Variants in PDE4D observed in about 807,000 individuals in gnomAD.
PDE4D encodes phosphodiesterase 4D, also known as 3',5'-cyclic-AMP phosphodiesterase 4D.
PDE4D carries 24 observed loss-of-function variants against 87.4 expected under a neutral mutation model. The ratio of observed to expected loss-of-function variants is 0.27; its 90% CI spans 0.20 to 0.39. PDE4D has a LOEUF of 0.39. PDE4D is among the 10% of genes least tolerant of loss of function. PDE4D has a pLI of 1.00. For missense variants in PDE4D, 714 were observed against 1,041.0 expected (o/e 0.69, Z 4.32); for synonymous variants, 384 against 383.2 (o/e 1.00, Z -0.02).
chr5:60,178,107 A>G (rs1784086273), intron 2 of PDE4D, among the ~76,000 whole-genome samples: 1 of 152,206 alleles, frequency 6.6e-6, no homozygotes, highest in African/African-American at 2.4e-5. Flanking sequence ...CAGATTGTTA[A>G]AAGATCTTGA....
intron 5 of PDE4D, among the ~76,000 whole-genome samples, chr5:59,042,145 C>G (rs1216628814): frequency 6.6e-6 from 1 of 152,174 alleles, no homozygotes; most frequent in Non-Finnish European, 1.5e-5. Flanking sequence ...CTCTGTGAAA[C>G]TGTTGCTCAA....
Position 59,296,475 on chromosome 5 carries a change from T to G in PDE4D, c.456-80507A>C, listed in dbSNP as rs143343396. Among the ~76,000 whole-genome samples, 352 of 152,166 alleles carry G rather than the reference T, an allele frequency of 2.3e-3. 1 individual carries two copies. The highest frequency in any genetic ancestry group is 8.2e-3 in the African/African-American group (339 of 41,536). ...AATGATTAACTAAAGTCTGAGTGAC[T>G]AGTAGAATGAGTAATTTTGTTACAT... On this transcript the variant is annotated intron_variant, in intron 1 of 14. Transcript: ENST00000340635.
intron 1 of PDE4D, among the ~76,000 whole-genome samples, chr5:59,793,136 T>C (rs1766014864): frequency 6.6e-6 from 1 of 152,150 alleles, no homozygotes; most frequent in South Asian, 2.1e-4. Context: ...CTGAGTGAGT[T>C]CCGTGGAGGT....
intron 5 of PDE4D, among the ~76,000 whole-genome samples, chr5:59,053,638 G>GTTTTTTTTTTTTTTTT (rs1205199951): frequency 1.2e-5 from 1 of 84,702 alleles, no homozygotes; most frequent in Non-Finnish European, 2.3e-5. Flanking sequence ...AAGTTGTTTT[G>GTTTTTTTTTTTTTTTT]TTTTTTGTTT....
intron 2 of PDE4D, among the ~76,000 whole-genome samples, chr5:60,114,399 A>G (rs1777950904): frequency 6.6e-6 from 1 of 152,124 alleles, no homozygotes; most frequent in African/African-American, 2.4e-5. Flanking sequence ...TAAAGTTTTA[A>G]TGGCTAAGAC....
intron 1 of PDE4D, among the ~76,000 whole-genome samples, chr5:59,850,739 T>C (rs1354555395): frequency 1.3e-5 from 2 of 151,928 alleles, no homozygotes; most frequent in African/African-American, 4.8e-5. Context: ...AGGAGGCTAT[T>C]TGAAGCGTTT....
At chr5:60,191,330 C>T (rs754917350) in intron 1 of PDE4D, among the ~76,000 whole-genome samples, 5 of 152,214 alleles carry the variant, frequency 3.3e-5, no homozygotes, top group South Asian at 2.1e-4. Context: ...ATAATCCCCA[C>T]GTGACAAGGG....
chr5:59,881,080 T>C (rs893157625), intron 1 of PDE4D, among the ~76,000 whole-genome samples: 2 of 152,192 alleles, frequency 1.3e-5, no homozygotes, highest in Admixed American at 1.3e-4. Context: ...TTCTTATGAA[T>C]GTTAAGGTTA....
chr5:59,254,777 T>G (rs1201992212), intron 1 of PDE4D, among the ~76,000 whole-genome samples: 4 of 152,142 alleles, frequency 2.6e-5, no homozygotes, highest in African/African-American at 9.7e-5. Context: ...CACCTCTTCC[T>G]CAAAGCTAGC....
intron 1 of PDE4D, among the ~76,000 whole-genome samples, chr5:60,517,706 T>C (rs769723182): frequency 6.6e-6 from 1 of 152,270 alleles, no homozygotes; most frequent in African/African-American, 2.4e-5. Context: ...AGAGAGGAGC[T>C]ACCCACTTCA....
intron 1 of PDE4D, among the ~76,000 whole-genome samples, chr5:59,704,344 C>CTA (rs1753063462): frequency 2.0e-5 from 3 of 152,176 alleles, no homozygotes; most frequent in Admixed American, 2.0e-4. Flanking sequence ...CTTCTTTCAA[C>CTA]ATTTATTGTA....
intron 3 of PDE4D, among the ~76,000 whole-genome samples, chr5:59,905,275 T>C (rs1352922863): frequency 6.6e-6 from 1 of 152,088 alleles, no homozygotes; most frequent in East Asian, 1.9e-4. Context: ...TCAGAATGCT[T>C]TGTGGAGCGT....
At chr5:59,849,386 T>A (rs572986596) in intron 1 of PDE4D, among the ~76,000 whole-genome samples, 1 of 152,004 alleles carries the variant, frequency 6.6e-6, no homozygotes, top group African/African-American at 2.4e-5. Flanking sequence ...CAAAGAGACA[T>A]GAAGTTTTAA....
At chr5:60,203,999 G>C (rs535322141) in intron 1 of PDE4D, among the ~76,000 whole-genome samples, 1 of 152,272 alleles carries the variant, frequency 6.6e-6, no homozygotes, top group Non-Finnish European at 1.5e-5. Context: ...GTGAGCATTA[G>C]TTTACATCTT....
At chr5:60,063,229 A>C (rs2152889798) in intron 2 of PDE4D, among the ~76,000 whole-genome samples, 1 of 152,252 alleles carries the variant, frequency 6.6e-6, no homozygotes, top group Middle Eastern at 3.4e-3. Flanking sequence ...GAAGAACCTC[A>C]ATACAGGAAT....
chr5:59,553,837 G>A (rs1486857347), intron 1 of PDE4D, among the ~76,000 whole-genome samples: 1 of 152,134 alleles, frequency 6.6e-6, no homozygotes, highest in Non-Finnish European at 1.5e-5. Flanking sequence ...GTGAAATGTG[G>A]AAGAACTAAA....
intron 3 of PDE4D, among the ~76,000 whole-genome samples, chr5:59,957,505 AT>A (rs1276083424): frequency 6.6e-6 from 1 of 152,078 alleles, no homozygotes; most frequent in Non-Finnish European, 1.5e-5. Context: ...TATATATGAT[AT>A]TCAAAGCTCT....
chr5:60,172,415 C>G (rs920238622), intron 2 of PDE4D, among the ~76,000 whole-genome samples: 1 of 151,818 alleles, frequency 6.6e-6, no homozygotes, highest in Non-Finnish European at 1.5e-5. Flanking sequence ...CTGGGAAATA[C>G]CTCCAAAGGG....
chr5:59,155,190 C>A (rs1581098364), intron 5 of PDE4D, among the ~76,000 whole-genome samples: 1 of 152,050 alleles, frequency 6.6e-6, no homozygotes, highest in Non-Finnish European at 1.5e-5. Context: ...ACAGAGTACA[C>A]AGAGTGAGAA....
Sources: gnomAD v4.1 joint callset for allele counts (sites outside exome capture counted in the v4.1 genomes callset) on GRCh38, gnomAD v4.1.1 for gene constraint, MANE v1.5 for transcripts, NCBI Gene and HGNC (gene_info 2026-07-23, HGNC 2026-07-21) for gene names.